IPPK: variants seen among roughly 807,000 people sequenced by gnomAD.
IPPK encodes inositol-pentakisphosphate 2-kinase, also known as IPK1 homolog.
In IPPK, 22 loss-of-function variants were observed where a neutral mutation model predicts 64.6. The ratio of observed to expected loss-of-function variants is 0.34; its 90% CI spans 0.24 to 0.49. The LOEUF (loss-of-function observed/expected upper bound fraction) is 0.49. Among genes scored for constraint, IPPK ranks in the 20% least tolerant of loss-of-function variants. The pLI is 0.99. For synonymous variants in IPPK, 262 were observed against 247.2 expected (o/e 1.06, Z -0.56); for missense variants, 532 against 630.7 (o/e 0.84, Z 1.68).
intron 11 of IPPK, among the ~76,000 whole-genome samples, chr9:92,631,419 T>C (rs1343097162): frequency 1.3e-5 from 2 of 152,074 alleles, no homozygotes; most frequent in Non-Finnish European, 2.9e-5. Flanking sequence ...TGGTCTCAAC[T>C]GATCCACCTG....
intron 11 of IPPK, among the ~76,000 whole-genome samples, chr9:92,627,914 C>T (rs1256167997): frequency 6.6e-6 from 1 of 152,148 alleles, no homozygotes; most frequent in Non-Finnish European, 1.5e-5. Context: ...ACTATTTCTA[C>T]TCACACATGA....
chr9:92,625,837 G>A (rs1851723048), intron 11 of IPPK, among the ~76,000 whole-genome samples: 1 of 152,068 alleles, frequency 6.6e-6, no homozygotes. Context: ...GGGTCTCCAG[G>A]ATTCCTATAG....
At chr9:92,667,552 C>T (rs1852625818) in intron 1 of IPPK, among the ~76,000 whole-genome samples, 1 of 152,164 alleles carries the variant, frequency 6.6e-6, no homozygotes, top group Non-Finnish European at 1.5e-5. Context: ...CAGTGATAAT[C>T]TTCAATTTCA....
At chr9:92,619,761 C>T in intron 11 of IPPK, 196 bp from the exon 12 acceptor site, 1 of 602,646 alleles carries the variant, frequency 1.7e-6, no homozygotes, top group Admixed American at 2.6e-5. Flanking sequence ...CCCTCAGTGC[C>T]ACGGGGCTGC....
chr9:92,655,481 C>T (rs1352569267), intron 3 of IPPK, among the ~76,000 whole-genome samples: 1 of 152,122 alleles, frequency 6.6e-6, no homozygotes, highest in Non-Finnish European at 1.5e-5. Context: ...TGACCCTTCC[C>T]ACTGAGGACA....
At chr9:92,654,393 A>T (rs1852329971) in intron 3 of IPPK, among the ~76,000 whole-genome samples, 1 of 152,100 alleles carries the variant, frequency 6.6e-6, no homozygotes, top group Admixed American at 6.5e-5. Context: ...GGTGCGCACC[A>T]GTAGTCCCAG....
At position 92,615,842 on chromosome 9, in the gene IPPK, T is replaced by C. The variant is rs139926387; in HGVS notation, c.1466A>G (p.His489Arg). 1.2e-4 allele frequency: 190 copies of C among 1,612,354 alleles called. 1 individual carries two copies. The African/African-American group carries it at 1.7e-3, about 14-fold the overall frequency. ...KESEDCTLVLHKV is the reference protein window; with the variant it reads ...KESEDCTLVLRKV ...ACTGCAGGGAAAGAGTTAGACCTTGTGGAGAACTAATGTGCAATCTTCGCT... is the reference window on the plus strand; with the variant it reads ...ACTGCAGGGAAAGAGTTAGACCTTGCGGAGAACTAATGTGCAATCTTCGCT... The change falls in exon 13 of 13, where the codon CAC becomes CGC. Residue 489 changes from histidine to arginine, a missense_variant. Physicochemically the swap from His to Arg is conservative, Grantham distance 29 (BLOSUM62 0). Transcript: ENST00000287996.
At chr9:92,636,690 A>G (rs922850620) in intron 9 of IPPK, among the ~76,000 whole-genome samples, 5 of 152,172 alleles carry the variant, frequency 3.3e-5, no homozygotes, top group African/African-American at 1.2e-4. Context: ...ATATAGATAC[A>G]GATTTATGCT....
At chr9:92,661,288 T>A (rs1429913766) in intron 1 of IPPK, among the ~76,000 whole-genome samples, 2 of 152,222 alleles carry the variant, frequency 1.3e-5, no homozygotes, top group Non-Finnish European at 2.9e-5. Context: ...GATCAAGGTC[T>A]TGACCCCAAA....
intron 9 of IPPK, 147 bp downstream of exon 9, chr9:92,637,854 G>A (rs1259512077): frequency 6.5e-6 from 5 of 766,982 alleles, no homozygotes; most frequent in Non-Finnish European, 9.9e-6. Context: ...AGGCAGCGAG[G>A]CCCCGTGCTG....
intron 1 of IPPK, among the ~76,000 whole-genome samples, chr9:92,668,423 T>C (rs759762061): frequency 5.3e-5 from 8 of 152,188 alleles, no homozygotes; most frequent in Non-Finnish European, 7.3e-5. Context: ...GGCAACTGCG[T>C]CAAAGCCTCT....
chr9:92,621,965 G>A (rs1481226438), intron 11 of IPPK, among the ~76,000 whole-genome samples: 1 of 152,148 alleles, frequency 6.6e-6, no homozygotes, highest in Non-Finnish European at 1.5e-5. Flanking sequence ...ATAAACATCT[G>A]CCAAAATCCC....
At chr9:92,618,519 A>T (rs542520439) in intron 12 of IPPK, 11 of 456,716 alleles carry the variant, frequency 2.4e-5, no homozygotes, top group African/African-American at 1.2e-4. Context: ...GCCCAGCTGC[A>T]TCCTTGGTCG....
At chr9:92,662,985 C>G (rs969593443) in intron 1 of IPPK, among the ~76,000 whole-genome samples, 5 of 152,186 alleles carry the variant, frequency 3.3e-5, no homozygotes, top group African/African-American at 1.2e-4. Context: ...CGAAGACTTT[C>G]GGCAAAGCCC....
intron 9 of IPPK, among the ~76,000 whole-genome samples, chr9:92,637,063 G>A (rs1487266818): frequency 6.6e-6 from 1 of 152,160 alleles, no homozygotes; most frequent in Non-Finnish European, 1.5e-5. Flanking sequence ...GCTCATGCCT[G>A]TAATCCTAGC....
intron 11 of IPPK, among the ~76,000 whole-genome samples, chr9:92,621,565 G>A (rs1216349861): frequency 7.0e-6 from 1 of 143,778 alleles, no homozygotes; most frequent in Non-Finnish European, 1.5e-5. Context: ...CCAGGCTGGA[G>A]CACAGTGGTA....
rs1281464520 is a variant in IPPK, at chr9:92,669,945, C to T, written c.44G>A (p.Gly15Glu). The T allele has an allele frequency of 1.2e-6, 2 of 1,613,396 alleles. No homozygotes were observed. Among genetic ancestry groups the T allele is most frequent in the Non-Finnish European group, 1.7e-6 (2 of 1,179,632 alleles). The change falls in exon 1 of 13, where the codon GGA becomes GAA. Residue 15 changes from glycine (G) to glutamate (E), a missense_variant. Transcript: ENST00000287996. ...KMDENEWGYH[G>E]EGNKSLVVAH... ...CACCACCAGGCTCTTATTGCCCTCT[C>T]CGTGGTACCCCCATTCATTCTCGTC...
At chr9:92,647,434 T>A (rs183216471) in intron 6 of IPPK, among the ~76,000 whole-genome samples, 4 of 152,044 alleles carry the variant, frequency 2.6e-5, no homozygotes, top group African/African-American at 9.7e-5. Flanking sequence ...GTTATTACAC[T>A]AGTACCAAAG....
At chr9:92,626,876 A>G (rs1851743875) in intron 11 of IPPK, among the ~76,000 whole-genome samples, 1 of 152,062 alleles carries the variant, frequency 6.6e-6, no homozygotes, top group African/African-American at 2.4e-5. Flanking sequence ...ACATCTTAAC[A>G]GCAAAAACCA....
Sources: gnomAD v4.1 joint callset for allele counts (sites outside exome capture counted in the v4.1 genomes callset) on GRCh38, gnomAD v4.1.1 for gene constraint, MANE v1.5 for transcripts, NCBI Gene and HGNC (gene_info 2026-07-23, HGNC 2026-07-21) for gene names.